SORBS3: variants seen among roughly 807,000 people sequenced by gnomAD.
The protein encoded by SORBS3 is vinexin.
In SORBS3, 69 loss-of-function variants were observed where a neutral mutation model predicts 98.0. The ratio of observed to expected loss-of-function variants is 0.70; its 90% CI spans 0.58 to 0.86. The LOEUF (loss-of-function observed/expected upper bound fraction) is 0.86, where lower values mean the gene tolerates loss of function less well. SORBS3 is among the 40% of genes least tolerant of loss of function. The pLI is 0.00. For synonymous variants in SORBS3, 394 were observed against 355.4 expected (o/e 1.11, Z -1.22); for missense variants, 954 against 908.5 (o/e 1.05, Z -0.64).
chr8:22,555,017 G>A, intron 3 of SORBS3, 37 bp downstream of exon 3: 2 of 1,561,888 alleles, frequency 1.3e-6, no homozygotes, highest in Non-Finnish European at 1.8e-6. Context: ...GGAGATGGAG[G>A]GTCAGGGCCC....
intron 11 of SORBS3, 105 bp from the exon 12 acceptor site, chr8:22,565,721 C>G: frequency 8.1e-7 from 1 of 1,237,442 alleles, no homozygotes. Context: ...CGCGTCCCGC[C>G]CGCTCTCCTC....
At chr8:22,550,051 C>G (rs1323736782), upstream of SORBS3, 3 of 983,146 alleles carry the variant, frequency 3.1e-6, no homozygotes, top group Admixed American at 6.2e-5. Flanking sequence ...TCCCAAGGAC[C>G]CTGACAGGTG....
chr8:22,564,508 C>T lies in SORBS3; in HGVS notation c.803C>T (p.Ser268Phe). Residue 268 changes from serine to phenylalanine, a missense_variant, in exon 10 of 21, where the codon TCC becomes TTC. By Grantham distance (155) the Ser-to-Phe change is radical. Coordinates refer to ENST00000240123, the MANE Select transcript of SORBS3 (RefSeq NM_005775.5). ...PLVDDPGEKP[S>F]QPIEVLLERE... ...GTGGACGACCCTGGTGAGAAGCCCT[C>T]CCAGCCCATTGAGGTGAGTGCTGCA... The T allele has an allele frequency of 6.2e-7, 1 of 1,614,066 alleles. No individual in the cohort carries two copies. The highest frequency in any genetic ancestry group is 8.5e-7 in the Non-Finnish European group (1 of 1,180,028).
At chr8:22,557,023 G>C in intron 4 of SORBS3, 115 bp downstream of exon 4, 1 of 1,183,384 alleles carries the variant, frequency 8.5e-7, no homozygotes, top group Non-Finnish European at 1.2e-6. Context: ...AACCATCCCA[G>C]ATTAAGCAGG....
At chr8:22,572,776 G>A (rs1840624065) in intron 20 of SORBS3, among the ~76,000 whole-genome samples, 1 of 152,212 alleles carries the variant, frequency 6.6e-6, no homozygotes, top group Admixed American at 6.5e-5. Flanking sequence ...AGCAGCCCTG[G>A]GGGAGAGCTC....
chr8:22,556,749 G>A lies in SORBS3; in HGVS notation c.255G>A (p.Gly85=), dbSNP rs773993641. The A allele has an allele frequency of 1.2e-6, 2 of 1,613,796 alleles. No individual in the cohort carries two copies. Among genetic ancestry groups the A allele is most frequent in the Non-Finnish European group, 1.7e-6 (2 of 1,180,022 alleles). ...PAWYQTWPGP[G]SKPSASTKIP... is the part of the protein sequence containing the mutation. ...GGTATCAGACCTGGCCAGGCCCTGG[G>A]AGCAAGCCCTCTGCAAGCACAAAGA... is the stretch of plus-strand genomic sequence containing the variant. Residue 85 remains glycine (G), a synonymous_variant, in exon 4 of 21, where the codon GGG becomes GGA. Coordinates refer to ENST00000240123, the MANE Select transcript of SORBS3 (RefSeq NM_005775.5).
At chr8:22,567,848 CTTT>C (rs35668704) in intron 16 of SORBS3, among the ~76,000 whole-genome samples, 2 of 142,548 alleles carry the variant, frequency 1.4e-5, no homozygotes, top group Non-Finnish European at 1.5e-5. Flanking sequence ...TCTTCTCTTT[CTTT>C]TTTTTTTTTT....
chr8:22,550,521 C>T (rs1021995357), upstream of SORBS3, among the ~76,000 whole-genome samples: 1 of 152,230 alleles, frequency 6.6e-6, no homozygotes, highest in Non-Finnish European at 1.5e-5. Flanking sequence ...CTATCTGAAG[C>T]TTCTCAACCC....
At chr8:22,549,202 C>T (rs376271274), upstream of SORBS3, among the ~76,000 whole-genome samples, 23 of 152,332 alleles carry the variant, frequency 1.5e-4, 1 homozygote, top group African/African-American at 4.1e-4. Flanking sequence ...GGGGAAGCCG[C>T]GACTTGCAGG....
At chr8:22,568,746 C>T (rs571436682) in intron 16 of SORBS3, among the ~76,000 whole-genome samples, 47 of 152,312 alleles carry the variant, frequency 3.1e-4, no homozygotes, top group Non-Finnish European at 4.7e-4. Context: ...CAGGGACACC[C>T]GGTTCTCAGC....
At chr8:22,567,600 C>G (rs1486224258) in intron 16 of SORBS3, among the ~76,000 whole-genome samples, 1 of 152,204 alleles carries the variant, frequency 6.6e-6, no homozygotes, top group African/African-American at 2.4e-5. Flanking sequence ...TAGATTATCT[C>G]TGTTTTACAG....
At chr8:22,566,997 G>A (rs1287885977) in intron 15 of SORBS3, 64 bp from the exon 16 acceptor site, 4 of 1,556,138 alleles carry the variant, frequency 2.6e-6, no homozygotes, top group Admixed American at 1.7e-5. Flanking sequence ...GTTGGGCAGG[G>A]TCTGAAGGGA....
chr8:22,569,085 A>ACC (rs2117283638), intron 16 of SORBS3, 63 bp from the exon 17 acceptor site: 1 of 1,468,012 alleles, frequency 6.8e-7, no homozygotes, highest in African/African-American at 1.5e-5. Flanking sequence ...TCTCACAGGA[A>ACC]CCCCCAGCCT....
At position 22,554,729 on chromosome 8, in the gene SORBS3, G is replaced by C; in HGVS notation, c.102+121G>C. ...GGGAGGGCTGAAGAGAGCTCTGGGG[G>C]GCCTCGCTGGTTTCCCACAAAATCG... On this transcript the variant is annotated intron_variant, in intron 2 of 20. Transcript: ENST00000240123. The surrounding 1 kb of genome is among the most constrained non-coding windows in gnomAD (Gnocchi z 6.5). 1.5e-6 allele frequency: 2 copies of C among 1,363,852 alleles called. No individual in the cohort carries two copies. The highest frequency in any genetic ancestry group is 2.1e-5 in the Admixed American group (1 of 47,594). The allele number at this position is 1,363,852 out of a possible 1,614,324, so 84.5% of individuals were successfully genotyped here.
In SORBS3 at chr8:22,569,375, C is replaced by T. The variant is rs1586905167; in HGVS notation, c.1431+102C>T. On this transcript the variant is annotated intron_variant, in intron 17 of 20. Coordinates refer to ENST00000240123, the MANE Select transcript of SORBS3 (RefSeq NM_005775.5). ...TTTTTTTTTGAGACAGAGTCTCACTCTATCGCCAGGCTGTAGCGCAGTGGT... is the reference window on the plus strand; with the variant it reads ...TTTTTTTTTGAGACAGAGTCTCACTTTATCGCCAGGCTGTAGCGCAGTGGT... 9 of 1,052,084 alleles carry T rather than the reference C, an allele frequency of 8.6e-6. No individual in the cohort carries two copies. In the South Asian group the frequency reaches 1.5e-4, roughly 18 times the overall value. 65.2% of individuals were successfully genotyped at this position (1,052,084 alleles called of 1,614,324 possible). A position where few individuals can be genotyped will look rare whatever the true frequency, so the allele number is the denominator to read the frequency against.
chr8:22,546,566 G>A (rs1230845703), intron 1 of SORBS3, among the ~76,000 whole-genome samples: 4 of 152,158 alleles, frequency 2.6e-5, no homozygotes, highest in Non-Finnish European at 5.9e-5. Flanking sequence ...CCAAGTCCCA[G>A]CCCCCTCTGC....
upstream of SORBS3, among the ~76,000 whole-genome samples, chr8:22,547,503 A>G (rs188455193): frequency 3.9e-5 from 6 of 152,364 alleles, no homozygotes; most frequent in African/African-American, 1.4e-4. Flanking sequence ...TTTGGAGGCC[A>G]GAGCCGTACT....
chr8:22,553,435 C>G (rs989866881), intron 1 of SORBS3, among the ~76,000 whole-genome samples: 15 of 152,172 alleles, frequency 9.9e-5, no homozygotes, highest in African/African-American at 3.6e-4. Flanking sequence ...GGATGGACGC[C>G]GTAGCACCGT....
intron 19 of SORBS3, 105 bp downstream of exon 19, chr8:22,571,926 C>A (rs1437017109): frequency 3.6e-6 from 3 of 827,732 alleles, no homozygotes; most frequent in Non-Finnish European, 6.1e-6. Flanking sequence ...ATTTGGGAAA[C>A]TTCTACCAGG....
Sources: gnomAD v4.1 joint callset for allele counts (sites outside exome capture counted in the v4.1 genomes callset) on GRCh38, gnomAD v4.1.1 for gene constraint, Gnocchi (gnomAD v3.1) non-coding constraint, MANE v1.5 for transcripts, NCBI Gene and HGNC (gene_info 2026-07-23, HGNC 2026-07-21) for gene names.